PHLDB2: variants seen among roughly 807,000 people sequenced by gnomAD.
PHLDB2 encodes the protein pleckstrin homology like domain family B member 2.
PHLDB2 carries 71 observed loss-of-function variants against 123.6 expected under a neutral mutation model. That is an observed-to-expected ratio of 0.57 (90% confidence interval 0.47 to 0.70). PHLDB2 has a LOEUF of 0.70. Ranked by LOEUF, PHLDB2 falls within the 30% of genes least tolerant of loss-of-function variation. PHLDB2 has a pLI of 0.00. For missense variants in PHLDB2, 1,446 were observed against 1,519.5 expected (o/e 0.95, Z 0.80); for synonymous variants, 547 against 541.6 (o/e 1.01, Z -0.14).
At chr3:111,932,157 T>C (rs1160901591) in intron 5 of PHLDB2, 112 bp from the exon 6 acceptor site, 7 of 1,165,416 alleles carry the variant, frequency 6.0e-6, no homozygotes, top group Non-Finnish European at 8.4e-6. Context: ...CATTCATAGA[T>C]TGTCCAGAGT....
intron 1 of PHLDB2, among the ~76,000 whole-genome samples, chr3:111,815,860 T>C (rs2062051631): frequency 6.6e-6 from 1 of 152,158 alleles, no homozygotes; most frequent in Admixed American, 6.6e-5. Context: ...AACAGCTTCC[T>C]GGAGGCCTAG....
Position 111,948,920 on chromosome 3 carries a change from T to C in PHLDB2, c.2488-12T>C, listed in dbSNP as rs1277817974. ...CTTTCTTTGTGTTTAACTTCTGAAT[T>C]CCTCCTTTTAGGGCTATATCAGTGT... On this transcript the variant is annotated splice_polypyrimidine_tract_variant and intron_variant, in intron 9 of 17. Transcript: ENST00000431670. 6.2e-7 allele frequency: 1 copy of C among 1,613,210 alleles called. No homozygotes were observed. The highest frequency in any genetic ancestry group is 2.2e-5 in the East Asian group (1 of 44,880).
At chr3:111,950,811 A>G (rs2070668214) in intron 10 of PHLDB2, among the ~76,000 whole-genome samples, 1 of 152,202 alleles carries the variant, frequency 6.6e-6, no homozygotes, top group Non-Finnish European at 1.5e-5. Context: ...GGTTACTGCC[A>G]CCTGGGCTGA....
rs139998241 is a variant in PHLDB2, at chr3:111,949,981, A to C, written c.2631+906A>C. On this transcript the variant is annotated intron_variant, in intron 10 of 17. Coordinates refer to ENST00000431670, the MANE Select transcript of PHLDB2 (RefSeq NM_001134438.2). ...TCTTTTCTTCTACTTTCCCAAAGGC[A>C]TTTTTAAAAAGGCAAGTTGCATACT... 10 of 899,518 alleles carry C rather than the reference A, an allele frequency of 1.1e-5. No individual in the cohort carries two copies. In the African/African-American group the frequency reaches 1.8e-4, roughly 16 times the overall value. 55.7% of individuals were successfully genotyped at this position (899,518 alleles called of 1,614,324 possible). A position where few individuals can be genotyped will look rare whatever the true frequency, so the allele number is the denominator to read the frequency against.
At position 111,843,562 on chromosome 3, in the gene PHLDB2, T is replaced by A. The variant is rs567832976; in HGVS notation, c.-48-2259T>A. Among the ~76,000 whole-genome samples, 25 of 152,334 alleles carry A rather than the reference T, an allele frequency of 1.6e-4. No homozygotes were observed. The South Asian group carries it at 4.3e-3, about 26-fold the overall frequency. ...ATGGCAGCATGCCTGGCTAATTTTT[T>A]AAAATCTTTGGTACAGACAGGATCT... On this transcript the variant is annotated intron_variant, in intron 1 of 17. Transcript: ENST00000393923.
intron 1 of PHLDB2, among the ~76,000 whole-genome samples, chr3:111,865,933 G>C (rs916021789): frequency 3.3e-5 from 5 of 149,672 alleles, no homozygotes; most frequent in Non-Finnish European, 7.4e-5. Context: ...TGCACAATCA[G>C]CTGCTAAGTA....
intron 2 of PHLDB2, among the ~76,000 whole-genome samples, chr3:111,906,138 A>C (rs2067519511): frequency 6.6e-6 from 1 of 152,224 alleles, no homozygotes; most frequent in South Asian, 2.1e-4. Context: ...TTTGTAGCCT[A>C]GGCGCAATAA....
At chr3:111,837,124 G>A (rs573699872) in intron 1 of PHLDB2, among the ~76,000 whole-genome samples, 70 of 152,234 alleles carry the variant, frequency 4.6e-4, no homozygotes, top group African/African-American at 1.7e-3. Flanking sequence ...CTACCTCAGA[G>A]GGCTGTGTAT....
intron 8 of PHLDB2, among the ~76,000 whole-genome samples, chr3:111,943,432 A>G (rs550528502): frequency 6.6e-6 from 1 of 152,240 alleles, no homozygotes; most frequent in African/African-American, 2.4e-5. Flanking sequence ...TCCAGAACAA[A>G]ATATAAGAGT....
At chr3:111,805,546 G>A (rs548696394) in intron 1 of PHLDB2, among the ~76,000 whole-genome samples, 49 of 149,510 alleles carry the variant, frequency 3.3e-4, no homozygotes, top group Non-Finnish European at 4.6e-4. Flanking sequence ...GGGCGACAGA[G>A]CAACACTCCG....
At chr3:111,898,162 T>TGTG (rs2066976800) in intron 2 of PHLDB2, among the ~76,000 whole-genome samples, 3 of 135,980 alleles carry the variant, frequency 2.2e-5, no homozygotes, top group East Asian at 2.3e-4. Context: ...GGCAATTTCT[T>TGTG]TGTGTGTGTG....
At chr3:111,913,776 G>T in intron 3 of PHLDB2, 74 bp downstream of exon 3, 1 of 1,420,578 alleles carries the variant, frequency 7.0e-7, no homozygotes, top group South Asian at 1.4e-5. Flanking sequence ...GAAAACTGAT[G>T]ATTTTATCAT....
chr3:111,921,400 G>A (rs150460853), intron 5 of PHLDB2, among the ~76,000 whole-genome samples: 184 of 152,254 alleles, frequency 1.2e-3, no homozygotes, highest in African/African-American at 4.3e-3. Context: ...TCTGCTGAAC[G>A]TGACTTCCTT....
At chr3:111,973,122 G>A (rs910774924) in intron 16 of PHLDB2, among the ~76,000 whole-genome samples, 3 of 152,058 alleles carry the variant, frequency 2.0e-5, no homozygotes, top group African/African-American at 4.8e-5. Flanking sequence ...GTCATGTTTT[G>A]GTTGTTTTTG....
chr3:111,962,746 A>G (rs760726386), intron 13 of PHLDB2, among the ~76,000 whole-genome samples: 1 of 152,166 alleles, frequency 6.6e-6, no homozygotes, highest in East Asian at 1.9e-4. Flanking sequence ...CCAGACCAAC[A>G]TGGTGAAACC....
At chr3:111,967,999 A>AAAAAAAAAAG (rs61395045) in intron 15 of PHLDB2, among the ~76,000 whole-genome samples, 175 bp downstream of exon 15, 3 of 145,930 alleles carry the variant, frequency 2.1e-5, no homozygotes, top group Non-Finnish European at 4.5e-5. Flanking sequence ...AAAAAAAAAA[A>AAAAAAAAAAG]TGTGAGTTCA....
At chr3:111,959,335 G>C (rs558591443) in intron 12 of PHLDB2, among the ~76,000 whole-genome samples, 55 of 152,232 alleles carry the variant, frequency 3.6e-4, no homozygotes, top group Non-Finnish European at 5.7e-4. Flanking sequence ...GTGACAGTGG[G>C]GTTCACTGAG....
chr3:111,838,875 C>G (rs548456493), intron 1 of PHLDB2, among the ~76,000 whole-genome samples: 41 of 152,102 alleles, frequency 2.7e-4, no homozygotes, highest in Non-Finnish European at 4.1e-4. Flanking sequence ...TTAGGAGAAT[C>G]ATTTTGGAAA....
intron 1 of PHLDB2, among the ~76,000 whole-genome samples, chr3:111,739,208 T>C (rs1391896732): frequency 1.3e-5 from 2 of 152,160 alleles, no homozygotes; most frequent in Non-Finnish European, 2.9e-5. Context: ...AAAAAGCTGC[T>C]CAAGAGATCC....
Sources: allele counts gnomAD v4.1 joint callset (sites outside exome capture counted in the v4.1 genomes callset), GRCh38; gene constraint gnomAD v4.1.1; transcripts MANE v1.5; gene names NCBI Gene and HGNC (gene_info 2026-07-23, HGNC 2026-07-21).